ITSN1: variants seen among roughly 807,000 people sequenced by gnomAD.
The protein encoded by ITSN1 is intersectin 1, also known as intersectin-1.
In ITSN1, 58 loss-of-function variants were observed where a neutral mutation model predicts 239.8. The observed-to-expected ratio is 0.24, with a 90% CI of 0.20 to 0.30. The LOEUF (loss-of-function observed/expected upper bound fraction) is 0.30. Ranked by LOEUF, ITSN1 falls within the 10% of genes least tolerant of loss-of-function variation. ITSN1 has a pLI of 1.00. For synonymous variants in ITSN1, 780 were observed against 770.8 expected, an observed-to-expected ratio of 1.01 and a Z score of -0.20; for missense variants, 1,558 against 2,103.3, an observed-to-expected ratio of 0.74 and a Z score of 5.07.
intron 16 of ITSN1, among the ~76,000 whole-genome samples, chr21:33,782,881 C>G (rs569539931): frequency 6.6e-6 from 1 of 151,944 alleles, no homozygotes; most frequent in South Asian, 2.1e-4. Context: ...AAAAATTAGC[C>G]GGGCATGGTG....
At chr21:33,807,330 C>T (rs77410953) in intron 20 of ITSN1, among the ~76,000 whole-genome samples, 1 of 152,232 alleles carries the variant, frequency 6.6e-6, no homozygotes, top group South Asian at 2.1e-4. Context: ...GACATTTCCC[C>T]AGGGCTTCAG....
At chr21:33,883,369 A>G (rs940170262) in intron 35 of ITSN1, among the ~76,000 whole-genome samples, 181 bp from the exon 36 acceptor site, 3 of 152,248 alleles carry the variant, frequency 2.0e-5, no homozygotes, top group Non-Finnish European at 2.9e-5. Flanking sequence ...GAACACACCC[A>G]GAAACACACA....
intron 1 of ITSN1, among the ~76,000 whole-genome samples, chr21:33,656,020 A>G (rs1282880135): frequency 6.6e-6 from 1 of 152,198 alleles, no homozygotes; most frequent in Non-Finnish European, 1.5e-5. Context: ...TTCTTTATTC[A>G]TAATTGTATT....
intron 31 of ITSN1, among the ~76,000 whole-genome samples, chr21:33,863,517 A>G (rs1294020428): frequency 2.0e-5 from 3 of 152,184 alleles, no homozygotes; most frequent in Non-Finnish European, 4.4e-5. Context: ...TTAGCTGGGC[A>G]TGGTGGCGGG....
intron 1 of ITSN1, among the ~76,000 whole-genome samples, chr21:33,694,353 G>C (rs2091696744): frequency 6.6e-6 from 1 of 152,106 alleles, no homozygotes; most frequent in Admixed American, 6.5e-5. Context: ...TTACCTAACT[G>C]TTCCTATGCT....
chr21:33,830,429 A>G (rs1367137192), intron 27 of ITSN1, among the ~76,000 whole-genome samples: 1 of 152,184 alleles, frequency 6.6e-6, no homozygotes, highest in African/African-American at 2.4e-5. Context: ...CACAATAATT[A>G]TAGAGTGGGG....
intron 1 of ITSN1, among the ~76,000 whole-genome samples, chr21:33,646,015 A>G (rs963742043): frequency 2.6e-5 from 4 of 152,138 alleles, no homozygotes; most frequent in Non-Finnish European, 5.9e-5. Flanking sequence ...GAGGAACTCA[A>G]TTAAACATTT....
In ITSN1 at chr21:33,888,404, A is replaced by G. The variant is rs1458181845; in HGVS notation, c.*104A>G. 2.4e-6 allele frequency: 3 copies of G among 1,230,662 alleles called. No individual in the cohort carries two copies. The highest frequency in any genetic ancestry group is 3.4e-6 in the Non-Finnish European group (3 of 890,532). The allele number at this position is 1,230,662 out of a possible 1,614,324, so 76.2% of individuals were successfully genotyped here. A position where few individuals can be genotyped will look rare whatever the true frequency, so the allele number is the denominator to read the frequency against. The stretch of plus-strand genomic sequence containing the variant: ...AGAAACCACCATTTGGTATTCAGTC[A>G]CAGGGATATGGGATGGCAAAGACAG... On this transcript the variant is annotated 3_prime_UTR_variant, in exon 40 of 40. Transcript: ENST00000381318.
chr21:33,649,396 AG>A (rs2146097562), intron 1 of ITSN1, among the ~76,000 whole-genome samples: 1 of 152,346 alleles, frequency 6.6e-6, no homozygotes, highest in South Asian at 2.1e-4. Flanking sequence ...TCTCTAAGAA[AG>A]TGAATTTTAA....
chr21:33,730,060 T>C (rs965727250), intron 4 of ITSN1, among the ~76,000 whole-genome samples: 5 of 152,158 alleles, frequency 3.3e-5, no homozygotes, highest in African/African-American at 7.2e-5. Flanking sequence ...ATATGTTAGT[T>C]ATTTATAATA....
At chr21:33,795,658 A>G (rs538347887) in intron 17 of ITSN1, among the ~76,000 whole-genome samples, 3 of 152,202 alleles carry the variant, frequency 2.0e-5, no homozygotes, top group East Asian at 3.9e-4. Flanking sequence ...GGTCAGACTA[A>G]GGATCTCCTC....
intron 31 of ITSN1, among the ~76,000 whole-genome samples, chr21:33,864,804 C>G (rs1981275701): frequency 6.6e-6 from 1 of 152,140 alleles, no homozygotes; most frequent in Admixed American, 6.5e-5. Flanking sequence ...GAAATAGGAT[C>G]AGTGCTCAGG....
At chr21:33,739,976 T>C (rs2066743918) in intron 5 of ITSN1, among the ~76,000 whole-genome samples, 1 of 152,138 alleles carries the variant, frequency 6.6e-6, no homozygotes, top group South Asian at 2.1e-4. Context: ...TGATAATCAA[T>C]GTGGAGGACA....
At chr21:33,681,166 A>AGGGC (rs780249528) in intron 1 of ITSN1, among the ~76,000 whole-genome samples, 1 of 152,188 alleles carries the variant, frequency 6.6e-6, no homozygotes, top group Non-Finnish European at 1.5e-5. Context: ...CTGTTAAGGA[A>AGGGC]GGGCAGCAAA....
At chr21:33,758,776 C>T (rs1483323272) in intron 8 of ITSN1, among the ~76,000 whole-genome samples, 1 of 152,174 alleles carries the variant, frequency 6.6e-6, no homozygotes. Context: ...AGCCATACTT[C>T]CCTGCCCAAA....
intron 14 of ITSN1, 113 bp downstream of exon 14, chr21:33,775,221 A>G (rs1402454650): frequency 6.3e-6 from 7 of 1,102,466 alleles, no homozygotes; most frequent in Non-Finnish European, 8.9e-6. Context: ...TGTACTAGGC[A>G]CTGGGAAGCA....
rs977925432 is a variant in ITSN1, at chr21:33,865,093, C to T, written c.3891-58C>T. The stretch of plus-strand genomic sequence containing the variant: ...TCTGTTTCTGTGCAACCTAAGTGTG[C>T]TGTGGTGCTGTCAGATAGCGTGAAA... On this transcript the variant is annotated intron_variant, in intron 31 of 39. Transcript: ENST00000381318. This position sits in a 1 kb window ranked among gnomAD's most constrained non-coding sequence, Gnocchi z 4.4. 12 of 1,529,744 alleles carry T rather than the reference C, an allele frequency of 7.8e-6. No homozygotes were observed. In the East Asian group the frequency reaches 1.8e-4, roughly 23 times the overall value. The allele number at this position is 1,529,744 out of a possible 1,614,324, so 94.8% of individuals were successfully genotyped here.
At chr21:33,690,707 G>A (rs886066233) in intron 1 of ITSN1, among the ~76,000 whole-genome samples, 1 of 141,718 alleles carries the variant, frequency 7.1e-6, no homozygotes, top group African/African-American at 2.6e-5. Context: ...GTTGCAGTGA[G>A]CTGAGATTGC....
chr21:33,660,762 G>A (rs1303194867), intron 1 of ITSN1, among the ~76,000 whole-genome samples: 1 of 152,164 alleles, frequency 6.6e-6, no homozygotes, highest in Admixed American at 6.5e-5. Flanking sequence ...TTAAGGATTG[G>A]TTGCAGTGTA....
Sources: allele counts gnomAD v4.1 joint callset (sites outside exome capture counted in the v4.1 genomes callset), GRCh38; gene constraint gnomAD v4.1.1; non-coding constraint Gnocchi (gnomAD v3.1); transcripts MANE v1.5; gene names NCBI Gene and HGNC (gene_info 2026-07-23, HGNC 2026-07-21).